Variants in GHR observed in about 807,000 individuals in gnomAD.
The protein encoded by GHR is growth hormone receptor.
GHR carries 35 observed loss-of-function variants against 67.1 expected under a neutral mutation model. The ratio of observed to expected loss-of-function variants is 0.52; its 90% CI spans 0.40 to 0.69. The LOEUF (loss-of-function observed/expected upper bound fraction) is 0.69, where lower values mean the gene tolerates loss of function less well. Ranked by LOEUF, GHR falls within the 30% of genes least tolerant of loss-of-function variation. The probability of loss-of-function intolerance (pLI) is 0.00; values close to 1 mark genes in which losing one functional copy is unlikely to be tolerated. For missense variants in GHR, 792 were observed against 764.6 expected, an observed-to-expected ratio of 1.04 and a Z score of -0.42; for synonymous variants, 272 against 269.1, an observed-to-expected ratio of 1.01 and a Z score of -0.10.
intron 3 of GHR, among the ~76,000 whole-genome samples, chr5:42,684,252 A>C (rs955029823): frequency 1.7e-4 from 26 of 152,240 alleles, no homozygotes; most frequent in African/African-American, 6.3e-4. Flanking sequence ...CATTCTACTA[A>C]GGAAATCAAG....
At chr5:42,645,426 A>G (rs1420107571) in intron 3 of GHR, among the ~76,000 whole-genome samples, 1 of 152,088 alleles carries the variant, frequency 6.6e-6, no homozygotes, top group Non-Finnish European at 1.5e-5. Context: ...CCCTTTCATC[A>G]CTCCTGAACA....
At chr5:42,573,719 A>G (rs1197045684) in intron 2 of GHR, among the ~76,000 whole-genome samples, 1 of 152,230 alleles carries the variant, frequency 6.6e-6, no homozygotes, top group African/African-American at 2.4e-5. Context: ...CAATTTTCTT[A>G]GCCCCATTCC....
chr5:42,631,382 C>A (rs1186693094), intron 3 of GHR, among the ~76,000 whole-genome samples: 1 of 152,158 alleles, frequency 6.6e-6, no homozygotes, highest in African/African-American at 2.4e-5. Context: ...GCTAAAGTAA[C>A]CTATATCAGT....
At position 42,658,199 on chromosome 5, in the gene GHR, C is replaced by CA. The variant is rs561548504; in HGVS notation, c.136+29104dup. ...ACCGATAAGTTTCTGAACCTAATGC[C>CA]AAAAAAAAGCAACCTTACCATAAAA... On this transcript the variant is annotated intron_variant, in intron 3 of 9. Transcript: ENST00000230882. Among the ~76,000 whole-genome samples, 6 of 151,240 alleles carry CA rather than the reference C, an allele frequency of 4.0e-5. No homozygotes were observed. The South Asian group carries it at 8.4e-4, about 21-fold the overall frequency.
At chr5:42,657,532 A>T (rs1049830246) in intron 3 of GHR, among the ~76,000 whole-genome samples, 22 of 152,120 alleles carry the variant, frequency 1.4e-4, no homozygotes, top group Non-Finnish European at 2.9e-4. Context: ...TATTCTTGAG[A>T]GTTGTCCAAT....
chr5:42,688,753 C>T, intron 3 of GHR, 137 bp from the exon 4 acceptor site: 1 of 840,472 alleles, frequency 1.2e-6, no homozygotes, highest in Non-Finnish European at 2.0e-6. Context: ...TTCTGGAAGA[C>T]ATCGGCATTA....
chr5:42,544,070 C>T (rs1410982817), intron 1 of GHR, among the ~76,000 whole-genome samples: 2 of 152,060 alleles, frequency 1.3e-5, no homozygotes, highest in Non-Finnish European at 2.9e-5. Context: ...GGTCTCAAAA[C>T]CTAGGGAAGC....
chr5:42,594,567 T>G (rs1480643295), intron 2 of GHR, among the ~76,000 whole-genome samples: 2 of 152,232 alleles, frequency 1.3e-5, no homozygotes, highest in African/African-American at 2.4e-5. Flanking sequence ...TCCTAGCCAC[T>G]GATATAGCAG....
intron 2 of GHR, among the ~76,000 whole-genome samples, chr5:42,589,475 C>G (rs1751663605): frequency 6.6e-6 from 1 of 152,114 alleles, no homozygotes; most frequent in African/African-American, 2.4e-5. Flanking sequence ...GTGGAATAAT[C>G]TTTTTTGTTG....
chr5:42,553,838 C>T (rs1749165114), intron 1 of GHR, among the ~76,000 whole-genome samples: 1 of 152,068 alleles, frequency 6.6e-6, no homozygotes, highest in Non-Finnish European at 1.5e-5. Flanking sequence ...TTTTTATTTG[C>T]CATTTTATAG....
intron 1 of GHR, among the ~76,000 whole-genome samples, chr5:42,527,625 C>T (rs570460963): frequency 6.6e-5 from 10 of 152,276 alleles, no homozygotes; most frequent in African/African-American, 1.9e-4. Context: ...GACTTCAACA[C>T]TCCACTGACA....
At chr5:42,512,138 G>A (rs777376606) in intron 1 of GHR, among the ~76,000 whole-genome samples, 2 of 152,076 alleles carry the variant, frequency 1.3e-5, no homozygotes, top group Non-Finnish European at 2.9e-5. Context: ...CCACAGTGCT[G>A]GTTTGTGCTG....
chr5:42,497,559 C>T (rs1579819323), intron 1 of GHR, among the ~76,000 whole-genome samples: 1 of 152,188 alleles, frequency 6.6e-6, no homozygotes, highest in Non-Finnish European at 1.5e-5. Flanking sequence ...AATTGGAACA[C>T]TGCCATACCC....
chr5:42,651,150 G>T (rs2112824003), intron 3 of GHR, among the ~76,000 whole-genome samples: 1 of 152,268 alleles, frequency 6.6e-6, no homozygotes, highest in South Asian at 2.1e-4. Flanking sequence ...CTCAGGATTT[G>T]ATGCCAAAGA....
chr5:42,614,747 T>C (rs1230347586), intron 2 of GHR, among the ~76,000 whole-genome samples: 2 of 151,916 alleles, frequency 1.3e-5, no homozygotes, highest in East Asian at 1.9e-4. Flanking sequence ...GGAGTATTTA[T>C]TGATGTACTA....
At chr5:42,537,521 T>C (rs1287163376) in intron 1 of GHR, among the ~76,000 whole-genome samples, 2 of 152,126 alleles carry the variant, frequency 1.3e-5, no homozygotes, top group Non-Finnish European at 2.9e-5. Flanking sequence ...TCTGAGAGAG[T>C]ACTTGATATA....
intron 1 of GHR, among the ~76,000 whole-genome samples, chr5:42,545,889 A>AT (rs780899180): frequency 1.3e-5 from 2 of 152,142 alleles, no homozygotes; most frequent in Non-Finnish European, 2.9e-5. Flanking sequence ...AGTATCACCT[A>AT]TTTTTTATTA....
At chr5:42,715,963 T>C (rs78380191) in intron 8 of GHR, among the ~76,000 whole-genome samples, 6,440 of 152,232 alleles carry the variant, frequency 0.042, 189 homozygotes, top group African/African-American at 0.084. Context: ...CTTAGATTTA[T>C]GCTCTGCCAC....
intron 1 of GHR, among the ~76,000 whole-genome samples, chr5:42,460,231 T>C (rs1203223013): frequency 6.6e-6 from 1 of 152,218 alleles, no homozygotes; most frequent in African/African-American, 2.4e-5. Context: ...CCTCCAGAAC[T>C]GTGAGAAATA....
Sources: allele counts gnomAD v4.1 joint callset (sites outside exome capture counted in the v4.1 genomes callset), GRCh38; gene constraint gnomAD v4.1.1; transcripts MANE v1.5; gene names NCBI Gene and HGNC (gene_info 2026-07-23, HGNC 2026-07-21).